The following PCDH11X variants were observed in gnomAD, a reference collection of about 807,000 sequenced individuals.
PCDH11X encodes protocadherin-11 X-linked.
A neutral mutation model predicts 53.3 loss-of-function variants in PCDH11X; 18 were observed. The observed-to-expected ratio is 0.34, with a 90% CI of 0.23 to 0.50. PCDH11X has a LOEUF of 0.50. Ranked by LOEUF, PCDH11X falls within the 20% of genes least tolerant of loss-of-function variation. The probability of loss-of-function intolerance (pLI) is 0.98; values close to 1 mark genes in which losing one functional copy is unlikely to be tolerated. For missense variants in PCDH11X, 570 were observed against 1,032.4 expected, an observed-to-expected ratio of 0.55 and a Z score of 6.14; for synonymous variants, 279 against 393.3, an observed-to-expected ratio of 0.71 and a Z score of 3.44.
At chrX:92,048,108 A>G (rs1183687077) in intron 6 of PCDH11X, among the ~76,000 whole-genome samples, 1 of 111,065 alleles carries the variant, frequency 9.0e-6, no homozygotes, top group Admixed American at 9.7e-5. Flanking sequence ...AAATGCAGGA[A>G]TTTCATGGTT....
intron 10 of PCDH11X, among the ~76,000 whole-genome samples, chrX:92,528,990 C>G (rs953633995): frequency 3.6e-5 from 4 of 111,066 alleles, no homozygotes; most frequent in African/African-American, 1.3e-4. Context: ...TTTAAACAAA[C>G]CCAGCCTTAC....
Position 92,113,838 on chromosome X carries a change from C to G in PCDH11X, c.3034-87537C>G. On this transcript the variant is annotated intron_variant, in intron 6 of 10. Coordinates refer to ENST00000682573, the MANE Select transcript of PCDH11X (RefSeq NM_032968.5). The stretch of plus-strand genomic sequence containing the variant: ...GCATTGTAGCTGACAGCAAAACTAC[C>G]TGGGTGTTGCTGTTGAGCTTTTGGA... 3 of 1,204,788 alleles carry G rather than the reference C, an allele frequency of 2.5e-6. No individual in the cohort carries two copies. In the Middle Eastern group the frequency reaches 7.6e-4, roughly 306 times the overall value.
chrX:91,842,011 G>A (rs1937530734), intron 5 of PCDH11X, among the ~76,000 whole-genome samples: 1 of 93,852 alleles, frequency 1.1e-5, no homozygotes, highest in Admixed American at 1.3e-4. Context: ...CTATCTTCAT[G>A]ATTTTACCAG....
intron 8 of PCDH11X, among the ~76,000 whole-genome samples, chrX:92,309,607 C>T (rs1439697565): frequency 8.9e-6 from 1 of 111,898 alleles, no homozygotes; most frequent in African/African-American, 3.2e-5. Flanking sequence ...TGTGCATGTA[C>T]TTAATGCTAC....
At chrX:92,288,138 C>T (rs1490899866) in intron 8 of PCDH11X, 49 of 394,563 alleles carry the variant, frequency 1.2e-4, no homozygotes, top group South Asian at 5.4e-5. Context: ...GACTAATACA[C>T]GATCCATGCT....
chrX:92,012,322 A>G (rs1417269872), intron 6 of PCDH11X, among the ~76,000 whole-genome samples: 1 of 108,778 alleles, frequency 9.2e-6, no homozygotes, highest in African/African-American at 3.4e-5. Flanking sequence ...TCCAGCTGTG[A>G]ATATATGATG....
chrX:92,230,278 C>T (rs1404103834), intron 7 of PCDH11X, among the ~76,000 whole-genome samples: 2 of 104,796 alleles, frequency 1.9e-5, no homozygotes, highest in Non-Finnish European at 3.9e-5. Context: ...TTGTATAACA[C>T]ATGAAGTAAA....
At chrX:91,938,857 GA>G (rs1220967311) in intron 6 of PCDH11X, among the ~76,000 whole-genome samples, 1 of 110,576 alleles carries the variant, frequency 9.0e-6, no homozygotes, top group Non-Finnish European at 1.9e-5. Flanking sequence ...AAGAAGGCCT[GA>G]AAGAATCAAA....
At chrX:92,412,707 C>T (rs1281209643) in intron 9 of PCDH11X, among the ~76,000 whole-genome samples, 4 of 104,773 alleles carry the variant, frequency 3.8e-5, no homozygotes, top group Non-Finnish European at 7.8e-5. Flanking sequence ...TTTGTTGGAA[C>T]TGCAAAAAGA....
chrX:92,102,331 T>C (rs866405980), intron 6 of PCDH11X, among the ~76,000 whole-genome samples: 21 of 103,507 alleles, frequency 2.0e-4, no homozygotes, highest in African/African-American at 3.8e-4. Flanking sequence ...GCAGCCTCTG[T>C]ACGCAGACCT....
At chrX:91,894,805 T>C (rs71216378) in intron 6 of PCDH11X, among the ~76,000 whole-genome samples, 3 of 111,114 alleles carry the variant, frequency 2.7e-5, no homozygotes, top group Non-Finnish European at 5.7e-5. Context: ...TTGCAACATA[T>C]CCTTTTTTAG....
chrX:91,906,138 T>G (rs1478830117), intron 6 of PCDH11X, among the ~76,000 whole-genome samples: 15 of 111,740 alleles, frequency 1.3e-4, no homozygotes, highest in African/African-American at 4.2e-4. Context: ...AAAGAAGACC[T>G]TTTTAGCTTA....
At chrX:92,582,208 C>G (rs1923787062) in intron 10 of PCDH11X, among the ~76,000 whole-genome samples, 1 of 86,754 alleles carries the variant, frequency 1.2e-5, no homozygotes, top group Non-Finnish European at 2.2e-5. Flanking sequence ...TGTTAATCCC[C>G]AAGACAACAG....
At chrX:92,570,874 CAT>C (rs1173666372) in intron 10 of PCDH11X, among the ~76,000 whole-genome samples, 2 of 108,551 alleles carry the variant, frequency 1.8e-5, no homozygotes, top group African/African-American at 6.7e-5. Context: ...TAACTATAGA[CAT>C]AGAAACGGTA....
chrX:92,172,643 G>T (rs1603104673), intron 6 of PCDH11X, among the ~76,000 whole-genome samples: 2 of 111,442 alleles, frequency 1.8e-5, no homozygotes, highest in East Asian at 5.7e-4. Flanking sequence ...ACAAAACAAA[G>T]AAACCTTATG....
At chrX:92,173,444 G>A (rs1289749187) in intron 6 of PCDH11X, among the ~76,000 whole-genome samples, 1 of 110,932 alleles carries the variant, frequency 9.0e-6, no homozygotes, top group African/African-American at 3.3e-5. Flanking sequence ...CAGTTTGTTA[G>A]ATGTAAACAA....
At chrX:91,901,619 A>G (rs1940958871) in intron 6 of PCDH11X, among the ~76,000 whole-genome samples, 3 of 111,160 alleles carry the variant, frequency 2.7e-5, no homozygotes, top group African/African-American at 9.8e-5. Flanking sequence ...ATGACTTATT[A>G]TGTGATTTTA....
intron 8 of PCDH11X, among the ~76,000 whole-genome samples, chrX:92,378,626 G>A (rs1397494883): frequency 9.0e-6 from 1 of 111,434 alleles, no homozygotes; most frequent in Admixed American, 9.6e-5. Context: ...GAGTTCTGGA[G>A]GCTAAGAAGT....
intron 7 of PCDH11X, among the ~76,000 whole-genome samples, chrX:92,207,935 C>A (rs188698125): frequency 9.1e-6 from 1 of 110,495 alleles, no homozygotes; most frequent in Admixed American, 9.7e-5. Context: ...GGTGGCTCAC[C>A]CCTATAATCC....
Sources: gnomAD v4.1 joint callset for allele counts (sites outside exome capture counted in the v4.1 genomes callset) on GRCh38, gnomAD v4.1.1 for gene constraint, MANE v1.5 for transcripts, NCBI Gene and HGNC (gene_info 2026-07-23, HGNC 2026-07-21) for gene names.